The following TMEM39A variants were observed in gnomAD, a reference collection of about 807,000 sequenced individuals.
TMEM39A encodes the protein suppressor of SQST-1 aggregates in rpl-43 mutants.
A neutral mutation model predicts 51.9 loss-of-function variants in TMEM39A; 19 were observed. That is an observed-to-expected ratio of 0.37 (90% CI 0.26 to 0.54). TMEM39A has a LOEUF of 0.54. Ranked by LOEUF, TMEM39A falls within the 20% of genes least tolerant of loss-of-function variation. The pLI, the probability that TMEM39A is intolerant of heterozygous loss-of-function variation, is 0.88. For synonymous variants in TMEM39A, 197 were observed against 220.2 expected, an observed-to-expected ratio of 0.89 and a Z score of 0.93; for missense variants, 433 against 590.5, an observed-to-expected ratio of 0.73 and a Z score of 2.76.
chr3:119,442,518 A>G (rs552086936), intron 5 of TMEM39A, among the ~76,000 whole-genome samples: 31 of 152,332 alleles, frequency 2.0e-4, no homozygotes, highest in African/African-American at 7.5e-4. Context: ...TTGTAAGGCT[A>G]TTTCTGCATT....
At chr3:119,437,296 T>G (rs2080982549) in intron 6 of TMEM39A, among the ~76,000 whole-genome samples, 1 of 152,146 alleles carries the variant, frequency 6.6e-6, no homozygotes, top group African/African-American at 2.4e-5. Flanking sequence ...GGCACTAAAA[T>G]GTACCAAAAG....
chr3:119,456,591 TCTCTATCA>T (rs372835861), intron 3 of TMEM39A, among the ~76,000 whole-genome samples: 210 of 152,322 alleles, frequency 1.4e-3, no homozygotes, highest in African/African-American at 4.9e-3. Flanking sequence ...CTAGAGCCTA[TCTCTATCA>T]CTCATGCAAA....
intron 5 of TMEM39A, among the ~76,000 whole-genome samples, chr3:119,444,730 A>G (rs1363236685): frequency 6.6e-6 from 1 of 152,144 alleles, no homozygotes; most frequent in African/African-American, 2.4e-5. Flanking sequence ...TCCAGTTTCT[A>G]TTTCAGTAGG....
At chr3:119,437,092 G>T in intron 6 of TMEM39A, 114 bp from the exon 7 acceptor site, 1 of 917,204 alleles carries the variant, frequency 1.1e-6, no homozygotes, top group Non-Finnish European at 1.6e-6. Context: ...CACATGCACT[G>T]GTGGTCCTGC....
At chr3:119,454,316 G>A (rs2081237483) in intron 3 of TMEM39A, among the ~76,000 whole-genome samples, 1 of 152,204 alleles carries the variant, frequency 6.6e-6, no homozygotes, top group African/African-American at 2.4e-5. Context: ...CCACTCCTTA[G>A]ATCATTTCCT....
At chr3:119,456,731 A>G (rs1042801983) in intron 3 of TMEM39A, among the ~76,000 whole-genome samples, 1 of 152,126 alleles carries the variant, frequency 6.6e-6, no homozygotes, top group African/African-American at 2.4e-5. Flanking sequence ...CAGCTTCCCC[A>G]GAAACTAGGA....
At position 119,457,989 on chromosome 3, in the gene TMEM39A, G is replaced by A. The variant is rs200457432; in HGVS notation, c.336+29C>T. 15 of 1,540,868 alleles carry A rather than the reference G, an allele frequency of 9.7e-6. No individual in the cohort carries two copies. The East Asian group carries it at 3.4e-4, about 35-fold the overall frequency. On this transcript the variant is annotated intron_variant, in intron 3 of 8. Coordinates refer to ENST00000319172, the MANE Select transcript of TMEM39A (RefSeq NM_018266.3). ...AGGTAGTTTCTTGGGTAAGTAACAT[G>A]AAGAACTTAAAGTCTGAGTAAGACT... is the stretch of plus-strand genomic sequence containing the variant.
At position 119,435,810 on chromosome 3, in the gene TMEM39A, G is replaced by A. The variant is rs557215569; in HGVS notation, c.1113-928C>T. ...CATGTGCCATCAGTAGCCTGAAGAT[G>A]TACAGTACTAGTACTGTGGATTGTA... is the stretch of plus-strand genomic sequence containing the variant. On this transcript the variant is annotated intron_variant, in intron 7 of 8. Transcript: ENST00000319172. 2.4e-6 allele frequency: 3 copies of A among 1,263,810 alleles called. No homozygotes were observed. The East Asian group carries it at 1.7e-4, about 72-fold the overall frequency. 78.3% of individuals were successfully genotyped at this position (1,263,810 alleles called of 1,614,324 possible). A position where few individuals can be genotyped will look rare whatever the true frequency, so the allele number is the denominator to read the frequency against.
At chr3:119,437,508 GA>G (rs1191495505) in intron 6 of TMEM39A, among the ~76,000 whole-genome samples, 2 of 111,530 alleles carry the variant, frequency 1.8e-5, no homozygotes, top group African/African-American at 3.6e-5. Context: ...ATTCTCCCCA[GA>G]AACTAAAAAT....
rs17281647 is a variant in TMEM39A, at chr3:119,429,629, C to T, written c.*2352G>A. ...TAGTAATTTTTCTCTCTTCCATGAA[C>T]GTGGCCCCTACAAAAACAAAACAAC... On this transcript the variant is annotated 3_prime_UTR_variant, in exon 9 of 9. Coordinates refer to ENST00000319172, the MANE Select transcript of TMEM39A (RefSeq NM_018266.3). 20,063 of 152,006 alleles carry T rather than the reference C, an allele frequency of 0.13. 1,412 individuals are homozygous for T. The highest frequency in any genetic ancestry group is 0.18 in the South Asian group (862 of 4,816). 9.4% of individuals were successfully genotyped at this position (152,006 alleles called of 1,614,324 possible). A position where few individuals can be genotyped will look rare whatever the true frequency, so the allele number is the denominator to read the frequency against.
intron 3 of TMEM39A, among the ~76,000 whole-genome samples, chr3:119,456,560 A>C (rs1445933498): frequency 6.6e-6 from 1 of 152,220 alleles, no homozygotes; most frequent in Non-Finnish European, 1.5e-5. Flanking sequence ...ACACATATAT[A>C]AGACAATAGT....
At chr3:119,444,661 G>A (rs1235933470) in intron 5 of TMEM39A, among the ~76,000 whole-genome samples, 1 of 152,018 alleles carries the variant, frequency 6.6e-6, no homozygotes, top group Non-Finnish European at 1.5e-5. Context: ...TCTCAAACTT[G>A]AGCATGCATC....
At chr3:119,451,403 T>G (rs988992343) in intron 4 of TMEM39A, 2 of 819,924 alleles carry the variant, frequency 2.4e-6, no homozygotes, top group African/African-American at 3.6e-5. Flanking sequence ...CACACTGAAT[T>G]ATAAGTTCCA....
At chr3:119,457,528 A>G (rs1311598205) in intron 3 of TMEM39A, among the ~76,000 whole-genome samples, 2 of 152,184 alleles carry the variant, frequency 1.3e-5, no homozygotes, top group African/African-American at 4.8e-5. Context: ...TCTGGCTGAC[A>G]GGGATGGGCC....
intron 5 of TMEM39A, among the ~76,000 whole-genome samples, chr3:119,443,561 A>G (rs1025695319): frequency 5.9e-5 from 9 of 152,322 alleles, no homozygotes; most frequent in African/African-American, 2.2e-4. Flanking sequence ...GCAATCAAGT[A>G]TTTTTTAATT....
Position 119,462,275 on chromosome 3 carries a change from C to T in TMEM39A, c.-74-127G>A, listed in dbSNP as rs533204821. On this transcript the variant is annotated intron_variant, in intron 1 of 8. Transcript: ENST00000319172. Reference sequence around the variant, plus strand: ...TTCAAACGAATGTTCCCAGTGTCTACTACTTACGTTATTCGAATTAAAGGA... The same window carrying T: ...TTCAAACGAATGTTCCCAGTGTCTATTACTTACGTTATTCGAATTAAAGGA... 9.1e-5 allele frequency: 48 copies of T among 528,814 alleles called. 2 individuals carry two copies. The highest frequency in any genetic ancestry group is 7.8e-4 in the South Asian group (36 of 46,116). 32.8% of individuals were successfully genotyped at this position (528,814 alleles called of 1,614,324 possible).
At position 119,432,839 on chromosome 3, in the gene TMEM39A, T is replaced by A. The variant is rs1013335465; in HGVS notation, c.1234-625A>T. The stretch of plus-strand genomic sequence containing the variant: ...ATATACCTGTGTGTTTAATTACTGA[T>A]TTTTTTCTGGATATTGAGAAGCAGG... On this transcript the variant is annotated intron_variant, in intron 8 of 8. Transcript: ENST00000319172. Among the ~76,000 whole-genome samples, 8 of 152,054 alleles carry A rather than the reference T, an allele frequency of 5.3e-5. 1 individual carries two copies. In the East Asian group the frequency reaches 9.6e-4, roughly 18 times the overall value.
chr3:119,433,112 C>A (rs1260704884), intron 8 of TMEM39A, among the ~76,000 whole-genome samples: 1 of 152,164 alleles, frequency 6.6e-6, no homozygotes, highest in Non-Finnish European at 1.5e-5. Context: ...CAGCAGTGAT[C>A]AGATCTAAAA....
chr3:119,457,257 AC>A (rs1242161586), intron 3 of TMEM39A, among the ~76,000 whole-genome samples: 2 of 152,214 alleles, frequency 1.3e-5, no homozygotes, highest in Non-Finnish European at 2.9e-5. Context: ...GGCGTGAGCC[AC>A]CGCGCCCGGC....
Sources: allele counts gnomAD v4.1 joint callset (sites outside exome capture counted in the v4.1 genomes callset), GRCh38; gene constraint gnomAD v4.1.1; transcripts MANE v1.5; gene names NCBI Gene and HGNC (gene_info 2026-07-23, HGNC 2026-07-21).